The following COP1 variants were observed in gnomAD, a reference collection of about 807,000 sequenced individuals.
The protein encoded by COP1 is COP1 E3 ubiquitin ligase, also known as E3 ubiquitin-protein ligase COP1.
COP1 carries 24 observed loss-of-function variants against 101.3 expected under a neutral mutation model. The observed-to-expected ratio is 0.24, with a 90% CI of 0.17 to 0.33. The LOEUF (loss-of-function observed/expected upper bound fraction) is 0.33, where lower values mean the gene tolerates loss of function less well. Ranked by LOEUF, COP1 falls within the 10% of genes least tolerant of loss-of-function variation. The pLI is 1.00. For missense variants in COP1, 663 were observed against 906.2 expected, an observed-to-expected ratio of 0.73 and a Z score of 3.45; for synonymous variants, 347 against 341.9, an observed-to-expected ratio of 1.01 and a Z score of -0.17.
At chr1:176,162,736 T>C in intron 5 of COP1, 133 bp downstream of exon 5, 1 of 622,832 alleles carries the variant, frequency 1.6e-6, no homozygotes, top group East Asian at 3.1e-5. Flanking sequence ...AAGTGACACT[T>C]TGTAGCTGTT....
chr1:176,000,989 T>A (rs1661464844), intron 15 of COP1, among the ~76,000 whole-genome samples: 1 of 152,066 alleles, frequency 6.6e-6, no homozygotes, highest in East Asian at 1.9e-4. Flanking sequence ...TTTGAAACAT[T>A]ATGGCCATAC....
At chr1:176,042,330 G>T (rs1000826773) in intron 14 of COP1, among the ~76,000 whole-genome samples, 8 of 150,156 alleles carry the variant, frequency 5.3e-5, no homozygotes, top group Non-Finnish European at 1.2e-4. Context: ...AGAGGCCGAG[G>T]CAGCAGGGCA....
At chr1:176,169,784 G>A (rs938995387) in intron 3 of COP1, among the ~76,000 whole-genome samples, 1 of 152,152 alleles carries the variant, frequency 6.6e-6, no homozygotes, top group Non-Finnish European at 1.5e-5. Flanking sequence ...CAATGACGAA[G>A]ACTGCTGCAT....
At chr1:176,045,581 G>GAAAA (rs533930344) in intron 12 of COP1, among the ~76,000 whole-genome samples, 2 of 101,168 alleles carry the variant, frequency 2.0e-5, no homozygotes, top group African/African-American at 3.4e-5. Context: ...TGTTTAGAAG[G>GAAAA]AAAAAAAAAA....
In COP1 at chr1:176,027,588, C is replaced by T; in HGVS notation, c.1713G>A (p.Leu571=). ...ATTTCTTACCTGCACAGCCGAAAGC[C>T]AAATGGTATCTGGAAGAGGGGCTGA... ...VKFSPSSRYH[L]AFGCADHCVH... Residue 571 remains leucine, a synonymous_variant, in exon 15 of 20, where the codon TTG becomes TTA. Transcript: ENST00000367669. 1.9e-6 allele frequency: 3 copies of T among 1,611,714 alleles called. No individual in the cohort carries two copies. The South Asian group carries it at 3.3e-5, about 18-fold the overall frequency.
chr1:176,196,591 CT>C (rs2102215349), intron 1 of COP1, among the ~76,000 whole-genome samples: 1 of 152,170 alleles, frequency 6.6e-6, no homozygotes, highest in African/African-American at 2.4e-5. Flanking sequence ...AATTAAAAAC[CT>C]TCCCACAAAG....
chr1:176,108,841 C>A (rs900849379), intron 9 of COP1, among the ~76,000 whole-genome samples: 1 of 152,068 alleles, frequency 6.6e-6, no homozygotes, highest in Non-Finnish European at 1.5e-5. Context: ...TGGCCTGGAG[C>A]GGTGGCTCAT....
At position 176,070,036 on chromosome 1, in the gene COP1, C is replaced by G. The variant is rs867330597; in HGVS notation, c.1277+11116G>C. On this transcript the variant is annotated intron_variant, in intron 11 of 19. Transcript: ENST00000367669. ...TCCAAATTCACAGCCCTCACCTCAT[C>G]TCTGTATAACCAGAAAATTTATGTC... 2.0e-5 allele frequency among the ~76,000 whole-genome samples: 3 copies of G among 152,326 alleles called. 1 individual carries two copies. In the Middle Eastern group the frequency reaches 0.01, roughly 518 times the overall value.
At chr1:176,036,507 CAAA>C (rs77138527) in intron 14 of COP1, among the ~76,000 whole-genome samples, 1 of 127,328 alleles carries the variant, frequency 7.9e-6, no homozygotes, top group Admixed American at 7.7e-5. Context: ...AACAAAAAAA[CAAA>C]AAAAAAAAAA....
intron 3 of COP1, among the ~76,000 whole-genome samples, chr1:176,174,967 T>C (rs1696705405): frequency 6.6e-6 from 1 of 152,158 alleles, no homozygotes; most frequent in Non-Finnish European, 1.5e-5. Flanking sequence ...TTCTGACTAG[T>C]TATTATTTCC....
At chr1:176,064,713 G>T (rs796313541) in intron 11 of COP1, among the ~76,000 whole-genome samples, 16 of 152,046 alleles carry the variant, frequency 1.1e-4, no homozygotes, top group African/African-American at 3.6e-4. Flanking sequence ...GGGTTCACTG[G>T]TGTGATCATG....
At position 176,099,278 on chromosome 1, in the gene COP1, G is replaced by A. The variant is rs78450381; in HGVS notation, c.1027-13388C>T. 2.2e-4 allele frequency among the ~76,000 whole-genome samples: 34 copies of A among 152,212 alleles called. No homozygotes were observed. In the East Asian group the frequency reaches 3.9e-3, roughly 17 times the overall value. ...TGTAACATTACAATACAGGAAAAAC[G>A]TGCAGGACTCATGAAGAACTAAAAT... On this transcript the variant is annotated intron_variant, in intron 9 of 19. Transcript: ENST00000367669.
chr1:176,009,534 G>A lies in COP1; in HGVS notation c.1729+18038C>T, dbSNP rs59331933. 7.7e-3 allele frequency among the ~76,000 whole-genome samples: 1,173 copies of A among 152,164 alleles called. 14 individuals are homozygous for A. The highest frequency in any genetic ancestry group is 0.027 in the African/African-American group (1,108 of 41,514). ...AAGTTTTACAGTAGCTAAAAATTGC[G>A]TACTGCACGAAGGTTTTTACAGTGA... On this transcript the variant is annotated intron_variant, in intron 15 of 19. Coordinates refer to ENST00000367669, the MANE Select transcript of COP1 (RefSeq NM_022457.7).
In COP1 at chr1:176,198,746, A is replaced by G. The variant is rs115745742; in HGVS notation, c.407+7826T>C. On this transcript the variant is annotated intron_variant, in intron 1 of 19. Coordinates refer to ENST00000367669, the MANE Select transcript of COP1 (RefSeq NM_022457.7). The stretch of plus-strand genomic sequence containing the variant: ...CAAAAGATGTATGCAGAATACATAA[A>G]GAACACTTACAACGCAAGATGACAT... Among the ~76,000 whole-genome samples, 1,174 of 152,306 alleles carry G rather than the reference A, an allele frequency of 7.7e-3. 16 individuals carry two copies. The highest frequency in any genetic ancestry group is 0.026 in the African/African-American group (1,089 of 41,578).
intron 1 of COP1, among the ~76,000 whole-genome samples, chr1:176,186,342 C>CA (rs1201102520): frequency 2.3e-4 from 32 of 140,966 alleles, no homozygotes; most frequent in East Asian, 4.1e-4. Flanking sequence ...CTCATCTCTA[C>CA]AAAAAAAAAA....
intron 6 of COP1, among the ~76,000 whole-genome samples, chr1:176,140,628 A>G (rs1690527672): frequency 6.6e-6 from 1 of 152,176 alleles, no homozygotes; most frequent in Admixed American, 6.5e-5. Context: ...CTCTGTAAAC[A>G]TAACCCCGGG....
intron 9 of COP1, among the ~76,000 whole-genome samples, chr1:176,089,246 T>C (rs1680827329): frequency 2.0e-5 from 3 of 151,958 alleles, no homozygotes; most frequent in African/African-American, 7.3e-5. Context: ...TGAGCCAAGA[T>C]CGAGCCAGTG....
intron 15 of COP1, among the ~76,000 whole-genome samples, chr1:175,992,106 G>C (rs866011996): frequency 6.6e-6 from 1 of 152,104 alleles, no homozygotes. Context: ...ATTATAGTTG[G>C]TATATACACT....
Position 176,006,932 on chromosome 1 carries a change from C to G in COP1, c.1730-17453G>C, listed in dbSNP as rs375680707. On this transcript the variant is annotated intron_variant, in intron 15 of 19. Coordinates refer to ENST00000367669, the MANE Select transcript of COP1 (RefSeq NM_022457.7). ...TTGGGGAAGTTCTACTGGATAATAT[C>G]CTGCAGAGTGTTTTCCAACTTGGTT... 8.6e-4 allele frequency among the ~76,000 whole-genome samples: 131 copies of G among 152,078 alleles called. 1 individual carries two copies. In the Middle Eastern group the frequency reaches 0.01, roughly 12 times the overall value.
Sources: allele counts gnomAD v4.1 joint callset (sites outside exome capture counted in the v4.1 genomes callset), GRCh38; gene constraint gnomAD v4.1.1; transcripts MANE v1.5; gene names NCBI Gene and HGNC (gene_info 2026-07-23, HGNC 2026-07-21).